The following SPAG16 variants were observed in gnomAD, a reference collection of about 807,000 sequenced individuals.
The protein encoded by SPAG16 is sperm-associated antigen 16 protein.
Under a neutral mutation model 80.4 loss-of-function variants are expected in SPAG16, and 86 were observed. The ratio of observed to expected loss-of-function variants is 1.07; its 90% confidence interval spans 0.90 to 1.28. SPAG16 has a LOEUF of 1.28. SPAG16 is among the 50% of genes most tolerant of loss of function. The pLI is 0.00. For missense variants in SPAG16, 870 were observed against 765.3 expected (o/e 1.14, Z -1.61); for synonymous variants, 294 against 265.9 (o/e 1.11, Z -1.03).
intron 14 of SPAG16, 46 bp from the exon 15 acceptor site, chr2:214,149,094 T>TATATATATATATATATATATATATAC (rs1553515470): frequency 2.8e-6 from 2 of 706,052 alleles, no homozygotes; most frequent in Non-Finnish European, 4.2e-6. Flanking sequence ...TATATATATA[T>TATATATATATATATATATATATATAC]ATACATACAT....
intron 5 of SPAG16, among the ~76,000 whole-genome samples, chr2:213,335,893 G>A (rs1408981465): frequency 6.6e-6 from 1 of 151,968 alleles, no homozygotes; most frequent in East Asian, 1.9e-4. Flanking sequence ...AAGAAACTTA[G>A]GGGGTGAGAG....
intron 12 of SPAG16, among the ~76,000 whole-genome samples, chr2:213,958,100 C>A (rs1441213367): frequency 1.3e-5 from 2 of 152,140 alleles, no homozygotes; most frequent in African/African-American, 2.4e-5. Flanking sequence ...ACATGCTCAC[C>A]TAGTGGGAGG....
rs80016542 is a variant in SPAG16 at position 214,410,302 on chromosome 2, G to C, written c.1883G>C (p.Arg628Pro). ...LFSGGSDGTV[R>P]TWS ...TCTGGAGGCTCTGACGGCACAGTTCGAACGTGGTCTTGACCGTCAGCACAT... is the reference window on the plus strand; with the variant it reads ...TCTGGAGGCTCTGACGGCACAGTTCCAACGTGGTCTTGACCGTCAGCACAT... The change falls in exon 16 of 16, where the codon CGA (arginine) becomes CCA (proline). Residue 628 changes from arginine (R) to proline (P), a missense_variant. Arg to Pro is a moderately radical substitution (Grantham distance 103). Coordinates refer to ENST00000331683, the MANE Select transcript of SPAG16 (RefSeq NM_024532.5). The C allele has an allele frequency of 6.3e-7, 1 of 1,598,346 alleles. No homozygotes were observed. Among genetic ancestry groups the C allele is most frequent in the Admixed American group, 1.7e-5 (1 of 59,722 alleles).
At chr2:214,036,390 T>C (rs781725652) in intron 13 of SPAG16, among the ~76,000 whole-genome samples, 1 of 152,174 alleles carries the variant, frequency 6.6e-6, no homozygotes, top group Non-Finnish European at 1.5e-5. Flanking sequence ...CAGTACAGAA[T>C]GGTATTAGAG....
At chr2:214,105,420 C>T (rs1413119201) in intron 13 of SPAG16, among the ~76,000 whole-genome samples, 2 of 152,152 alleles carry the variant, frequency 1.3e-5, no homozygotes, top group African/African-American at 4.8e-5. Context: ...ATTCTCCTAA[C>T]AAAGCTATAG....
At chr2:214,399,799 T>C (rs1440252646) in intron 15 of SPAG16, among the ~76,000 whole-genome samples, 2 of 152,146 alleles carry the variant, frequency 1.3e-5, no homozygotes, top group Non-Finnish European at 1.5e-5. Context: ...CTATGAATTA[T>C]GTTTTGTGAT....
At chr2:213,446,912 G>C (rs2071354968) in intron 9 of SPAG16, among the ~76,000 whole-genome samples, 2 of 152,184 alleles carry the variant, frequency 1.3e-5, no homozygotes, top group Admixed American at 1.3e-4. Flanking sequence ...TCAGCCACAG[G>C]GGAATGGGGA....
chr2:213,637,999 C>T (rs1031971832), intron 10 of SPAG16, among the ~76,000 whole-genome samples: 21 of 152,162 alleles, frequency 1.4e-4, no homozygotes, highest in Non-Finnish European at 2.2e-4. Flanking sequence ...CCTCGTGATC[C>T]GCCCGTCTTG....
chr2:214,398,621 T>C (rs1437056055), intron 15 of SPAG16, among the ~76,000 whole-genome samples: 1 of 152,254 alleles, frequency 6.6e-6, no homozygotes, highest in Non-Finnish European at 1.5e-5. Context: ...CATGTTGCTT[T>C]AAATTTTCTA....
At chr2:214,030,726 T>C (rs1488274108) in intron 13 of SPAG16, among the ~76,000 whole-genome samples, 1 of 152,172 alleles carries the variant, frequency 6.6e-6, no homozygotes, top group African/African-American at 2.4e-5. Context: ...CTGTAACAGA[T>C]GCCATTGATA....
At chr2:213,992,150 C>T (rs904678976) in intron 12 of SPAG16, among the ~76,000 whole-genome samples, 1 of 151,974 alleles carries the variant, frequency 6.6e-6, no homozygotes, top group Non-Finnish European at 1.5e-5. Flanking sequence ...CACAAAGCCC[C>T]GTTTATAAAG....
chr2:213,371,564 C>G (rs1193833559), intron 8 of SPAG16, among the ~76,000 whole-genome samples: 1 of 152,096 alleles, frequency 6.6e-6, no homozygotes, highest in Non-Finnish European at 1.5e-5. Context: ...TTTACCCATT[C>G]ATCCACCCAT....
intron 13 of SPAG16, among the ~76,000 whole-genome samples, chr2:214,036,164 G>A (rs2048686957): frequency 6.6e-6 from 1 of 151,890 alleles, no homozygotes; most frequent in African/African-American, 2.4e-5. Context: ...TGTACAATAG[G>A]TTATTCTTAT....
chr2:213,953,259 A>C (rs956586447), intron 12 of SPAG16, among the ~76,000 whole-genome samples: 1 of 152,014 alleles, frequency 6.6e-6, no homozygotes, highest in Admixed American at 6.6e-5. Context: ...TTTAAATAAA[A>C]ATCAAAATGT....
chr2:213,401,349 C>T (rs574693266), intron 9 of SPAG16, among the ~76,000 whole-genome samples: 1 of 152,294 alleles, frequency 6.6e-6, no homozygotes, highest in South Asian at 2.1e-4. Context: ...TTTATGTTCC[C>T]ATGTCTACTC....
At chr2:214,297,961 G>T (rs150724288) in intron 15 of SPAG16, among the ~76,000 whole-genome samples, 37 of 151,078 alleles carry the variant, frequency 2.4e-4, no homozygotes, top group African/African-American at 8.7e-4. Flanking sequence ...AATGTTTTCA[G>T]TTCCAAAAGC....
chr2:213,286,175 C>T (rs904812635), intron 1 of SPAG16, among the ~76,000 whole-genome samples: 2 of 152,206 alleles, frequency 1.3e-5, no homozygotes, highest in Non-Finnish European at 2.9e-5. Context: ...CAAATAATCA[C>T]ACTTATTTGA....
chr2:213,694,728 G>T (rs2065087531), intron 10 of SPAG16, among the ~76,000 whole-genome samples: 1 of 149,972 alleles, frequency 6.7e-6, no homozygotes, highest in African/African-American at 2.5e-5. Flanking sequence ...CTTCCTGCTT[G>T]CATTCCTCTC....
At chr2:213,667,239 A>G (rs748942375) in intron 10 of SPAG16, among the ~76,000 whole-genome samples, 8 of 152,230 alleles carry the variant, frequency 5.3e-5, no homozygotes, top group Non-Finnish European at 1.2e-4. Flanking sequence ...TTGGTGTTAA[A>G]TAAAATAATT....
Sources: gnomAD v4.1 joint callset for allele counts (sites outside exome capture counted in the v4.1 genomes callset) on GRCh38, gnomAD v4.1.1 for gene constraint, MANE v1.5 for transcripts, NCBI Gene and HGNC (gene_info 2026-07-23, HGNC 2026-07-21) for gene names.